ARHGAP42: variants seen among roughly 807,000 people sequenced by gnomAD.
ARHGAP42 encodes Rho GTPase activating protein 42.
ARHGAP42 carries 63 observed loss-of-function variants against 125.0 expected under a neutral mutation model. That is an observed-to-expected ratio of 0.50 (90% CI 0.41 to 0.62). ARHGAP42 has a LOEUF of 0.62. Ranked by LOEUF, ARHGAP42 falls within the 20% of genes least tolerant of loss-of-function variation. The probability of loss-of-function intolerance (pLI) is 0.00; values close to 1 mark genes in which losing one functional copy is unlikely to be tolerated. For synonymous variants in ARHGAP42, 339 were observed against 351.0 expected, an observed-to-expected ratio of 0.97 and a Z score of 0.38; for missense variants, 766 against 1,024.2, an observed-to-expected ratio of 0.75 and a Z score of 3.44.
At chr11:100,929,027 A>G (rs1364214469) in intron 6 of ARHGAP42, among the ~76,000 whole-genome samples, 1 of 152,160 alleles carries the variant, frequency 6.6e-6, no homozygotes, top group Non-Finnish European at 1.5e-5. Context: ...GTTGATAGGT[A>G]CCTTTTCACT....
chr11:100,945,083 T>C (rs991512027), intron 10 of ARHGAP42, among the ~76,000 whole-genome samples: 1 of 152,108 alleles, frequency 6.6e-6, no homozygotes, highest in African/African-American at 2.4e-5. Context: ...TCTAAATCCG[T>C]TGTTGTCATT....
intron 12 of ARHGAP42, among the ~76,000 whole-genome samples, chr11:100,953,628 C>T (rs1043800079): frequency 2.0e-5 from 3 of 152,104 alleles, no homozygotes; most frequent in East Asian, 1.9e-4. Flanking sequence ...CAAAAGTCTT[C>T]CTACCTTGTA....
chr11:100,962,490 C>A, intron 16 of ARHGAP42, 23 bp downstream of exon 16: 1 of 1,518,968 alleles, frequency 6.6e-7, no homozygotes, highest in Non-Finnish European at 8.9e-7. Flanking sequence ...GCATCATATA[C>A]ACATTATAAT....
intron 1 of ARHGAP42, among the ~76,000 whole-genome samples, chr11:100,688,320 A>G (rs1431787467): frequency 6.6e-6 from 1 of 152,188 alleles, no homozygotes; most frequent in Non-Finnish European, 1.5e-5. Flanking sequence ...TAAAAAGCAT[A>G]CATTTGCAGT....
intron 3 of ARHGAP42, among the ~76,000 whole-genome samples, chr11:100,797,665 A>G (rs1388570502): frequency 6.6e-6 from 1 of 152,188 alleles, no homozygotes; most frequent in Non-Finnish European, 1.5e-5. Context: ...CTGGTCACCC[A>G]AGAGCTATGA....
intron 4 of ARHGAP42, among the ~76,000 whole-genome samples, chr11:100,868,469 C>T (rs765391407): frequency 1.3e-5 from 2 of 152,140 alleles, no homozygotes; most frequent in Admixed American, 6.5e-5. Flanking sequence ...ATTAAATAAC[C>T]GTTAAACTCA....
chr11:100,899,717 G>GTTTTTTTTTTTTTTTTTTTTTTTT (rs1565265877), intron 4 of ARHGAP42, among the ~76,000 whole-genome samples: 1 of 67,456 alleles, frequency 1.5e-5, no homozygotes, highest in Non-Finnish European at 2.8e-5. Context: ...TTTGTTTTGT[G>GTTTTTTTTTTTTTTTTTTTTTTTT]TTTTGTTTTT....
intron 3 of ARHGAP42, among the ~76,000 whole-genome samples, chr11:100,797,647 C>T (rs1365957806): frequency 6.6e-6 from 1 of 151,462 alleles, no homozygotes; most frequent in African/African-American, 2.4e-5. Flanking sequence ...TGCTCATTGA[C>T]AATATACCTG....
intron 3 of ARHGAP42, among the ~76,000 whole-genome samples, chr11:100,856,921 T>G (rs995288088): frequency 1.3e-5 from 2 of 152,076 alleles, no homozygotes; most frequent in Non-Finnish European, 2.9e-5. Context: ...TGAAACACTG[T>G]GTGTTGTCAG....
At chr11:100,734,581 A>G (rs2120319093) in intron 1 of ARHGAP42, among the ~76,000 whole-genome samples, 1 of 152,346 alleles carries the variant, frequency 6.6e-6, no homozygotes, top group African/African-American at 2.4e-5. Flanking sequence ...ACGCCCAACC[A>G]GAGTCCACTT....
At chr11:100,904,725 G>A (rs1225582678) in intron 4 of ARHGAP42, among the ~76,000 whole-genome samples, 1 of 152,142 alleles carries the variant, frequency 6.6e-6, no homozygotes, top group Non-Finnish European at 1.5e-5. Flanking sequence ...TACTTTGCAA[G>A]GAACATGGAA....
intron 4 of ARHGAP42, among the ~76,000 whole-genome samples, chr11:100,877,464 G>T (rs1865847835): frequency 6.6e-6 from 1 of 152,198 alleles, no homozygotes; most frequent in Non-Finnish European, 1.5e-5. Context: ...GATAGATTCT[G>T]TTAATTGCAT....
At chr11:100,985,129 A>G (rs947720574) in intron 22 of ARHGAP42, among the ~76,000 whole-genome samples, 7 of 152,232 alleles carry the variant, frequency 4.6e-5, no homozygotes, top group Admixed American at 1.3e-4. Flanking sequence ...ATAAAATACT[A>G]TAAATACAAG....
chr11:100,927,543 A>G (rs12284294), intron 6 of ARHGAP42, among the ~76,000 whole-genome samples: 36,485 of 152,198 alleles, frequency 0.24, 4,846 homozygotes, highest in Middle Eastern at 0.36. Context: ...AGTGAACAGA[A>G]TTTTGTAAAA....
intron 1 of ARHGAP42, among the ~76,000 whole-genome samples, chr11:100,691,921 A>G (rs1565530130): frequency 6.6e-6 from 1 of 152,210 alleles, no homozygotes; most frequent in Non-Finnish European, 1.5e-5. Flanking sequence ...CAATGTATCA[A>G]ATATATATAA....
Position 100,792,822 on chromosome 11 carries a change from G to A in ARHGAP42, c.251-2283G>A, listed in dbSNP as rs182770700. 2.0e-5 allele frequency among the ~76,000 whole-genome samples: 3 copies of A among 150,322 alleles called. No homozygotes were observed. In the East Asian group the frequency reaches 5.9e-4, roughly 29 times the overall value. Reference sequence around the variant, plus strand: ...GGCTGGAGTGCAGTGGCACGATCTCGGCTTACTGCAAGCTCTGCCTTCCGG... The same window carrying A: ...GGCTGGAGTGCAGTGGCACGATCTCAGCTTACTGCAAGCTCTGCCTTCCGG... On this transcript the variant is annotated intron_variant, in intron 2 of 23. Transcript: ENST00000298815.
intron 3 of ARHGAP42, among the ~76,000 whole-genome samples, chr11:100,855,989 C>A (rs599651): frequency 0.28 from 42,528 of 151,832 alleles, 7,117 homozygotes; most frequent in African/African-American, 0.48. Context: ...TAGGGAGAGT[C>A]TTAAAATTGA....
chr11:100,740,349 A>G (rs1862158188), intron 1 of ARHGAP42, among the ~76,000 whole-genome samples: 1 of 152,178 alleles, frequency 6.6e-6, no homozygotes, highest in African/African-American at 2.4e-5. Flanking sequence ...ACACTTGGGC[A>G]CTGAATTTAT....
chr11:100,763,314 TGCCAGTTA>T (rs200454026), intron 1 of ARHGAP42, among the ~76,000 whole-genome samples: 2,591 of 152,106 alleles, frequency 0.017, 70 homozygotes, highest in African/African-American at 0.059. Context: ...AAGAATGTTT[TGCCAGTTA>T]GTTTACATTT....
Sources: gnomAD v4.1 joint callset for allele counts (sites outside exome capture counted in the v4.1 genomes callset) on GRCh38, gnomAD v4.1.1 for gene constraint, MANE v1.5 for transcripts, NCBI Gene and HGNC (gene_info 2026-07-23, HGNC 2026-07-21) for gene names.